The following NRG1 variants were observed in gnomAD, a reference collection of about 807,000 sequenced individuals.
NRG1 encodes the protein pro-neuregulin-1, membrane-bound isoform.
Under a neutral mutation model 63.8 loss-of-function variants are expected in NRG1, and 18 were observed. The ratio of observed to expected loss-of-function variants is 0.28; its 90% confidence interval spans 0.19 to 0.42. NRG1 has a LOEUF of 0.42. Among genes scored for constraint, NRG1 ranks in the 10% least tolerant of loss-of-function variants. The probability of loss-of-function intolerance (pLI) is 1.00; values close to 1 mark genes in which losing one functional copy is unlikely to be tolerated. For synonymous variants in NRG1, 302 were observed against 301.3 expected (o/e 1.00, Z -0.02); for missense variants, 762 against 814.7 (o/e 0.94, Z 0.79).
chr8:32,558,047 A>G (rs920311780), intron 1 of NRG1, among the ~76,000 whole-genome samples: 1 of 152,210 alleles, frequency 6.6e-6, no homozygotes, highest in South Asian at 2.1e-4. Flanking sequence ...TTTATGCCCC[A>G]TCCAAAAGGA....
At chr8:32,629,706 T>A (rs1849931765) in intron 5 of NRG1, among the ~76,000 whole-genome samples, 1 of 152,188 alleles carries the variant, frequency 6.6e-6, no homozygotes, top group African/African-American at 2.4e-5. Flanking sequence ...CTGGAAGATT[T>A]TTTTCATTTT....
intron 1 of NRG1, among the ~76,000 whole-genome samples, chr8:32,138,150 A>G (rs1345072175): frequency 6.6e-6 from 1 of 152,106 alleles, no homozygotes; most frequent in Non-Finnish European, 1.5e-5. Context: ...TAGCAATCAC[A>G]TCTGCTGATT....
At chr8:32,699,259 T>C (rs548903796) in intron 5 of NRG1, among the ~76,000 whole-genome samples, 1 of 152,322 alleles carries the variant, frequency 6.6e-6, no homozygotes, top group East Asian at 1.9e-4. Context: ...ACTCTGCCTT[T>C]AATTAAGTAA....
chr8:32,749,243 T>G (rs1828194829), intron 7 of NRG1: 1 of 336,706 alleles, frequency 3.0e-6, no homozygotes, highest in East Asian at 5.6e-5. Flanking sequence ...AAAGATAATC[T>G]TTCCATTCCC....
chr8:32,131,204 T>C (rs1834775518), intron 1 of NRG1, among the ~76,000 whole-genome samples: 2 of 151,974 alleles, frequency 1.3e-5, no homozygotes, highest in Admixed American at 6.6e-5. Flanking sequence ...TTATGAAATA[T>C]TAATACCTTG....
intron 5 of NRG1, among the ~76,000 whole-genome samples, chr8:32,630,639 G>T (rs1850099019): frequency 6.6e-6 from 1 of 151,986 alleles, no homozygotes; most frequent in Non-Finnish European, 1.5e-5. Context: ...TTAAGTTTCA[G>T]ATTGATATGG....
chr8:32,066,069 G>A (rs1259643757), intron 1 of NRG1, among the ~76,000 whole-genome samples: 1 of 152,214 alleles, frequency 6.6e-6, no homozygotes. Flanking sequence ...TGAGTTCATT[G>A]TAGATTCTGG....
intron 1 of NRG1, among the ~76,000 whole-genome samples, chr8:31,825,412 CT>C (rs1304721889): frequency 7.9e-5 from 12 of 151,666 alleles, no homozygotes; most frequent in Non-Finnish European, 1.6e-4. Flanking sequence ...GTATTTTATA[CT>C]TAAGTTTTTC....
intron 1 of NRG1, among the ~76,000 whole-genome samples, chr8:32,076,341 G>A (rs74777816): frequency 0.022 from 3,356 of 152,196 alleles, 65 homozygotes; most frequent in South Asian, 0.08. Flanking sequence ...TCATGTATGC[G>A]TATTTCAAAT....
At chr8:32,168,512 A>C (rs1839644523) in intron 1 of NRG1, among the ~76,000 whole-genome samples, 1 of 152,170 alleles carries the variant, frequency 6.6e-6, no homozygotes, top group African/African-American at 2.4e-5. Context: ...CATGGAAGTG[A>C]AGGTCTTGTT....
chr8:32,646,798 T>C (rs1853641225), intron 5 of NRG1: 1 of 984,696 alleles, frequency 1.0e-6, no homozygotes, highest in Non-Finnish European at 1.2e-6. Context: ...TTGGATAAAA[T>C]AGGAAGTCAC....
At chr8:32,596,201 G>A (rs184128164) in intron 2 of NRG1, among the ~76,000 whole-genome samples, 196 bp downstream of exon 2, 1 of 152,286 alleles carries the variant, frequency 6.6e-6, no homozygotes, top group African/African-American at 2.4e-5. Context: ...TCTTATTGAT[G>A]AAGGAAATAA....
intron 1 of NRG1, among the ~76,000 whole-genome samples, chr8:32,016,723 G>A (rs529125293): frequency 6.6e-6 from 1 of 152,140 alleles, no homozygotes; most frequent in South Asian, 2.1e-4. Context: ...CAATTTAAAT[G>A]TTGGATATAA....
chr8:32,144,232 A>T (rs574750501), intron 1 of NRG1, among the ~76,000 whole-genome samples: 1 of 152,340 alleles, frequency 6.6e-6, no homozygotes, highest in African/African-American at 2.4e-5. Context: ...AGTAATTCTG[A>T]ATGACAATGT....
In NRG1 at chr8:32,058,972, G is replaced by C. The variant is rs551785188; in HGVS notation, c.37+419541G>C. Among the ~76,000 whole-genome samples the C allele has an allele frequency of 3.3e-5, 5 of 151,960 alleles. No individual in the cohort carries two copies. The East Asian group carries it at 9.7e-4, about 29-fold the overall frequency. ...AAAAATACAATCATCTTTGCCCAAA[G>C]GTTAACTTTAAAAGTAGAACAATAA... On this transcript the variant is annotated intron_variant, in intron 1 of 10. Transcript: ENST00000519301.
At chr8:31,724,085 T>G in intron 1 of NRG1, among the ~76,000 whole-genome samples, 1 of 152,172 alleles carries the variant, frequency 6.6e-6, no homozygotes, top group East Asian at 1.9e-4. Context: ...ATCATATATA[T>G]TATATAATTA....
At chr8:32,022,511 G>A (rs193156004) in intron 1 of NRG1, among the ~76,000 whole-genome samples, 156 of 152,188 alleles carry the variant, frequency 1.0e-3, no homozygotes, top group African/African-American at 2.5e-3. Context: ...CTATTAAGTG[G>A]TCTAGAGTAT....
In NRG1 at chr8:32,742,614, A is replaced by G; in HGVS notation, c.633-61A>G. On this transcript the variant is annotated intron_variant, in intron 6 of 11. Transcript: ENST00000356819. The surrounding 1 kb of genome is among the most constrained non-coding windows in gnomAD (Gnocchi z 4.2). ...CACTGAAGGAGCTTCTTTCTAGCAT[A>G]TATTCACCTCTTCTCTTTTTCTCTG... The G allele has an allele frequency of 3.0e-6, 4 of 1,319,272 alleles. No homozygotes were observed. Among genetic ancestry groups the G allele is most frequent in the Non-Finnish European group, 4.4e-6 (4 of 916,750 alleles). The allele number at this position is 1,319,272 out of a possible 1,614,324, so 81.7% of individuals were successfully genotyped here. A position where few individuals can be genotyped will look rare whatever the true frequency, so the allele number is the denominator to read the frequency against.
intron 1 of NRG1, among the ~76,000 whole-genome samples, chr8:31,879,137 C>T (rs1485452674): frequency 6.6e-6 from 1 of 152,174 alleles, no homozygotes; most frequent in African/African-American, 2.4e-5. Context: ...CACTCACCTG[C>T]AAGGATAATT....
Sources: allele counts gnomAD v4.1 joint callset (sites outside exome capture counted in the v4.1 genomes callset), GRCh38; gene constraint gnomAD v4.1.1; non-coding constraint Gnocchi (gnomAD v3.1); transcripts MANE v1.5; gene names NCBI Gene and HGNC (gene_info 2026-07-23, HGNC 2026-07-21).